The following MSI2 variants were observed in gnomAD, a reference collection of about 807,000 sequenced individuals.
The protein encoded by MSI2 is musashi RNA binding protein 2.
MSI2 carries 17 observed loss-of-function variants against 45.6 expected under a neutral mutation model. That is an observed-to-expected ratio of 0.37 (90% CI 0.26 to 0.56). The LOEUF (loss-of-function observed/expected upper bound fraction) is 0.56, where lower values mean the gene tolerates loss of function less well. Among genes scored for constraint, MSI2 ranks in the 20% least tolerant of loss-of-function variants. The pLI, the probability that MSI2 is intolerant of heterozygous loss-of-function variation, is 0.77. For synonymous variants in MSI2, 156 were observed against 158.2 expected (o/e 0.99, Z 0.11); for missense variants, 293 against 444.2 (o/e 0.66, Z 3.06).
intron 6 of MSI2, among the ~76,000 whole-genome samples, chr17:57,414,513 C>A (rs1272396020): frequency 1.3e-5 from 2 of 152,074 alleles, no homozygotes; most frequent in African/African-American, 4.8e-5. Context: ...CCTCAGCCTC[C>A]CAAGTAGCTG....
chr17:57,439,704 G>A (rs1264641384), intron 6 of MSI2, among the ~76,000 whole-genome samples: 12 of 152,194 alleles, frequency 7.9e-5, no homozygotes, highest in African/African-American at 2.4e-4. Flanking sequence ...GATTACAGGC[G>A]TGCGCCACCT....
At chr17:57,651,269 C>A (rs1172506319) in intron 10 of MSI2, among the ~76,000 whole-genome samples, 1 of 152,116 alleles carries the variant, frequency 6.6e-6, no homozygotes, top group Non-Finnish European at 1.5e-5. Flanking sequence ...ATAGCATAAG[C>A]CTTGATCAAG....
chr17:57,629,516 T>C (rs902245175), intron 10 of MSI2: 4 of 152,266 alleles, frequency 2.6e-5, no homozygotes, highest in African/African-American at 4.8e-5. Flanking sequence ...TCAGTAACCA[T>C]GTGTGGCAAG....
chr17:57,556,052 A>T (rs1183018542), intron 7 of MSI2, among the ~76,000 whole-genome samples: 1 of 152,222 alleles, frequency 6.6e-6, no homozygotes, highest in Non-Finnish European at 1.5e-5. Flanking sequence ...AATTTCTTTT[A>T]TGCTGATAAG....
intron 11 of MSI2, among the ~76,000 whole-genome samples, chr17:57,663,377 G>C (rs1020854534): frequency 5.3e-5 from 8 of 152,224 alleles, no homozygotes; most frequent in Non-Finnish European, 1.0e-4. Context: ...GGTCTGCCCA[G>C]GTCTGTGGTA....
chr17:57,649,145 A>G (rs375225909), intron 10 of MSI2, among the ~76,000 whole-genome samples: 65 of 152,288 alleles, frequency 4.3e-4, no homozygotes, highest in African/African-American at 1.5e-3. Context: ...TGCACAACAC[A>G]CATGTACTCA....
At chr17:57,531,784 G>A (rs2086826438) in intron 7 of MSI2, 1 of 152,218 alleles carries the variant, frequency 6.6e-6, no homozygotes, top group South Asian at 2.1e-4. Flanking sequence ...TGGCAGAGGT[G>A]GGGTTGAAAC....
chr17:57,366,901 C>T (rs1425107513), intron 5 of MSI2, among the ~76,000 whole-genome samples: 1 of 152,172 alleles, frequency 6.6e-6, no homozygotes, highest in East Asian at 1.9e-4. Flanking sequence ...CTGTCGTTAC[C>T]AACACAGTAT....
intron 5 of MSI2, among the ~76,000 whole-genome samples, chr17:57,396,236 T>G (rs1158759709): frequency 6.6e-6 from 1 of 152,220 alleles, no homozygotes; most frequent in African/African-American, 2.4e-5. Context: ...AATATTTGGT[T>G]TTTTTGGTGT....
At chr17:57,444,408 C>T (rs1239129160) in intron 6 of MSI2, 1 of 152,070 alleles carries the variant, frequency 6.6e-6, no homozygotes, top group Non-Finnish European at 1.5e-5. Flanking sequence ...CATGGTGAAA[C>T]CCCCGTCTGT....
At chr17:57,426,141 G>A (rs1431112902) in intron 6 of MSI2, among the ~76,000 whole-genome samples, 1 of 152,158 alleles carries the variant, frequency 6.6e-6, no homozygotes, top group East Asian at 1.9e-4. Context: ...GTTTCAGATT[G>A]TCATCTTGAA....
chr17:57,391,775 C>T (rs2083796718), intron 5 of MSI2, among the ~76,000 whole-genome samples: 1 of 152,250 alleles, frequency 6.6e-6, no homozygotes, highest in South Asian at 2.1e-4. Flanking sequence ...CTGCCTTTCT[C>T]ATGCTGGGGC....
At chr17:57,390,201 G>A (rs2083762464) in intron 5 of MSI2, among the ~76,000 whole-genome samples, 1 of 152,232 alleles carries the variant, frequency 6.6e-6, no homozygotes, top group Non-Finnish European at 1.5e-5. Flanking sequence ...GCTGCAGTGA[G>A]CTATAGTCAT....
At chr17:57,367,458 T>C (rs931346980) in intron 5 of MSI2, among the ~76,000 whole-genome samples, 5 of 152,128 alleles carry the variant, frequency 3.3e-5, no homozygotes, top group Non-Finnish European at 7.4e-5. Flanking sequence ...GTCCTTGTGA[T>C]GTTGTTGTCT....
intron 6 of MSI2, among the ~76,000 whole-genome samples, chr17:57,428,370 G>A (rs1231058587): frequency 6.6e-6 from 1 of 152,052 alleles, no homozygotes; most frequent in Non-Finnish European, 1.5e-5. Flanking sequence ...TTACAGGCAT[G>A]AGCCACCCCA....
intron 5 of MSI2, among the ~76,000 whole-genome samples, chr17:57,372,294 G>A (rs2143967455): frequency 6.6e-6 from 1 of 152,136 alleles, no homozygotes; most frequent in South Asian, 2.1e-4. Context: ...TATCTTATTT[G>A]GTTAACATTT....
intron 5 of MSI2, among the ~76,000 whole-genome samples, chr17:57,302,956 G>C (rs1463554991): frequency 6.6e-6 from 1 of 152,206 alleles, no homozygotes; most frequent in Non-Finnish European, 1.5e-5. Context: ...AACTGGCCGA[G>C]TGAGGAGGAG....
chr17:57,567,462 C>T (rs1382212631), intron 7 of MSI2, among the ~76,000 whole-genome samples: 1 of 152,248 alleles, frequency 6.6e-6, no homozygotes, highest in African/African-American at 2.4e-5. Context: ...AAGCCAGGGG[C>T]TTGGCAGGCC....
At chr17:57,479,985 T>G (rs1454322842) in intron 6 of MSI2, among the ~76,000 whole-genome samples, 1 of 152,194 alleles carries the variant, frequency 6.6e-6, no homozygotes, top group Non-Finnish European at 1.5e-5. Flanking sequence ...GAAGGTCCAT[T>G]TATTTTTTTT....
Sources: gnomAD v4.1 joint callset for allele counts (sites outside exome capture counted in the v4.1 genomes callset) on GRCh38, gnomAD v4.1.1 for gene constraint, MANE v1.5 for transcripts, NCBI Gene and HGNC (gene_info 2026-07-23, HGNC 2026-07-21) for gene names.